The following CHRNA3 variants were observed in gnomAD, a reference collection of about 807,000 sequenced individuals.
The protein encoded by CHRNA3 is neuronal acetylcholine receptor subunit alpha-3.
CHRNA3 carries 34 observed loss-of-function variants against 41.9 expected under a neutral mutation model. The ratio of observed to expected loss-of-function variants is 0.81; its 90% confidence interval spans 0.62 to 1.08. The LOEUF (loss-of-function observed/expected upper bound fraction) is 1.08, where lower values mean the gene tolerates loss of function less well. Ranked by LOEUF, CHRNA3 falls within the 50% of genes least tolerant of loss-of-function variation. The pLI is 0.00. For synonymous variants in CHRNA3, 281 were observed against 265.2 expected, an observed-to-expected ratio of 1.06 and a Z score of -0.58; for missense variants, 542 against 638.3, an observed-to-expected ratio of 0.85 and a Z score of 1.63.
chr15:78,593,175 T>G, downstream of CHRNA3: 2 of 1,613,972 alleles, frequency 1.2e-6, no homozygotes, highest in Non-Finnish European at 1.7e-6. Context: ...TTGTTGGATC[T>G]CTTGGGCTTT....
At chr15:78,611,526 C>G (rs2053379463) in intron 4 of CHRNA3, among the ~76,000 whole-genome samples, 1 of 152,040 alleles carries the variant, frequency 6.6e-6, no homozygotes, top group African/African-American at 2.4e-5. Context: ...AACAACCCTT[C>G]ACGCTAAAAA....
chr15:78,608,900 G>A (rs899433542), intron 4 of CHRNA3, among the ~76,000 whole-genome samples: 1 of 152,232 alleles, frequency 6.6e-6, no homozygotes, highest in Non-Finnish European at 1.5e-5. Flanking sequence ...AGCTGATGGA[G>A]CTGAAAGCCA....
chr15:78,602,012 G>A lies in CHRNA3; in HGVS notation c.630C>T (p.Ile210=). 1 of 1,613,544 alleles carries A rather than the reference G, an allele frequency of 6.2e-7. No homozygotes were observed. Among genetic ancestry groups the A allele is most frequent in the Non-Finnish European group, 8.5e-7 (1 of 1,179,514 alleles). The change falls in exon 5 of 6, where the codon ATC becomes ATT. Residue 210 remains isoleucine, a synonymous_variant. Transcript: ENST00000326828. ...DYWESGEWAI[I]KAPGYKHDIK... ...TGTCGTGTTTGTAGCCTGGGGCTTT[G>A]ATGATGGCCCACTCGCCGCTCTCCC...
At position 78,595,675 on chromosome 15, in the gene CHRNA3, T is replaced by TG. The variant is rs1168410440; in HGVS notation, c.*928dup. ...CCATAGTGCTAAGGCTGAGAAACCCTGTTCTAAAGGTTCATGCTGTGGTCC... is the reference window on the plus strand; with the variant it reads ...CCATAGTGCTAAGGCTGAGAAACCCTGGTTCTAAAGGTTCATGCTGTGGTCC... On this transcript the variant is annotated 3_prime_UTR_variant, in exon 6 of 6. Coordinates refer to ENST00000326828, the MANE Select transcript of CHRNA3 (RefSeq NM_000743.5). 6.6e-6 allele frequency: 1 copy of TG among 152,592 alleles called. No homozygotes were observed. The highest frequency in any genetic ancestry group is 1.5e-5 in the Non-Finnish European group (1 of 68,378). The allele number at this position is 152,592 out of a possible 1,614,324, so 9.5% of individuals were successfully genotyped here. A position where few individuals can be genotyped will look rare whatever the true frequency, so the allele number is the denominator to read the frequency against.
At chr15:78,602,592 G>A (rs2053223219) in intron 4 of CHRNA3, among the ~76,000 whole-genome samples, 1 of 152,194 alleles carries the variant, frequency 6.6e-6, no homozygotes, top group South Asian at 2.1e-4. Flanking sequence ...AGAAATGGGA[G>A]GAAGGTCATC....
Position 78,596,313 on chromosome 15 carries a change from G to A in CHRNA3, c.*291C>T, listed in dbSNP as rs1315475315. The A allele has an allele frequency of 9.7e-7, 1 of 1,026,722 alleles. No homozygotes were observed. The highest frequency in any genetic ancestry group is 1.2e-6 in the Non-Finnish European group (1 of 857,282). The allele number at this position is 1,026,722 out of a possible 1,614,324, so 63.6% of individuals were successfully genotyped here. A position where few individuals can be genotyped will look rare whatever the true frequency, so the allele number is the denominator to read the frequency against. On this transcript the variant is annotated 3_prime_UTR_variant, in exon 6 of 6. Coordinates refer to ENST00000326828, the MANE Select transcript of CHRNA3 (RefSeq NM_000743.5). ...TCCAGTTTTGTTTCAACAACTAAAA[G>A]GAAACATTTTTACATGTATATTCCA...
chr15:78,613,678 A>T (rs2141340630), intron 4 of CHRNA3, among the ~76,000 whole-genome samples: 1 of 151,260 alleles, frequency 6.6e-6, no homozygotes, highest in Non-Finnish European at 1.5e-5. Flanking sequence ...TATGTAACAA[A>T]CCTGCACATT....
rs774546079 is a variant in CHRNA3, at chr15:78,618,893, C to T, written c.105G>A (p.Glu35=). ...CAAACAGCCGCTCAAATAGACGGTG[C>T]TCAGCCTCTGAGGCCCTGGCCACTG... ...LLPVARASEA[E]HRLFERLFED... is the part of the protein sequence containing the mutation. Residue 35 remains glutamate (E), a synonymous_variant, in exon 2 of 6, where the codon GAG becomes GAA. Coordinates refer to ENST00000326828, the MANE Select transcript of CHRNA3 (RefSeq NM_000743.5). 1 of 1,613,710 alleles carries T rather than the reference C, an allele frequency of 6.2e-7. No individual in the cohort carries two copies. Among genetic ancestry groups the T allele is most frequent in the Non-Finnish European group, 8.5e-7 (1 of 1,179,996 alleles).
intron 4 of CHRNA3, among the ~76,000 whole-genome samples, chr15:78,605,530 C>T (rs1396419827): frequency 6.6e-6 from 1 of 152,142 alleles, no homozygotes; most frequent in Non-Finnish European, 1.5e-5. Context: ...CCACTCTGCA[C>T]TGAATCCTCA....
intron 5 of CHRNA3, 148 bp from the exon 6 acceptor site, chr15:78,596,880 T>A (rs2053122084): frequency 8.6e-7 from 1 of 1,167,924 alleles, no homozygotes; most frequent in Admixed American, 3.6e-5. Context: ...ATTGATGTGG[T>A]CTGAGGAAAT....
downstream of CHRNA3, chr15:78,595,204 T>TCCCTG: frequency 1.3e-6 from 1 of 795,694 alleles, no homozygotes; most frequent in East Asian, 1.3e-4. Context: ...TTCGTATACA[T>TCCCTG]CCCTGATCCC....
chr15:78,620,725 A>ACAG lies in CHRNA3; in HGVS notation c.67_69dup (p.Leu23dup), dbSNP rs60706203. 4,046 of 1,462,788 alleles carry ACAG rather than the reference A, an allele frequency of 2.8e-3. 9 individuals are homozygous for ACAG. The highest frequency in any genetic ancestry group is 0.02 in the East Asian group (692 of 34,168). 90.6% of individuals were successfully genotyped at this position (1,462,788 alleles called of 1,614,324 possible). ...CCTGTGCGCGTACCTGGCAGCAGAG[A>ACAG]CAGCAGCAGCAGCAGCAGCAGCCGC... On this transcript the variant is annotated inframe_insertion, in exon 1 of 6. Coordinates refer to ENST00000326828, the MANE Select transcript of CHRNA3 (RefSeq NM_000743.5).
At chr15:78,618,748 G>A (rs1445786620) in intron 2 of CHRNA3, 28 bp downstream of exon 2, 7 of 1,613,960 alleles carry the variant, frequency 4.3e-6, no homozygotes, top group Middle Eastern at 1.6e-4. Flanking sequence ...GGTCCCCATG[G>A]CCACGGCTCG....
chr15:78,602,444 C>T (rs2053221003), intron 4 of CHRNA3, among the ~76,000 whole-genome samples, 180 bp from the exon 5 acceptor site: 1 of 152,162 alleles, frequency 6.6e-6, no homozygotes, highest in Non-Finnish European at 1.5e-5. Context: ...ATACTGAGGC[C>T]CAAGCTCCCT....
At chr15:78,610,910 A>C (rs1347942559) in intron 4 of CHRNA3, among the ~76,000 whole-genome samples, 1 of 152,254 alleles carries the variant, frequency 6.6e-6, no homozygotes, top group Admixed American at 6.5e-5. Flanking sequence ...TCCCACAGAA[A>C]TACAAATTAC....
chr15:78,620,889 C>A lies in CHRNA3; in HGVS notation c.-95G>T. 2 of 1,274,998 alleles carry A rather than the reference C, an allele frequency of 1.6e-6. No homozygotes were observed. Among genetic ancestry groups the A allele is most frequent in the Non-Finnish European group, 2.0e-6 (2 of 1,014,804 alleles). The allele number at this position is 1,274,998 out of a possible 1,614,324, so 79.0% of individuals were successfully genotyped here. ...TCCCCGCGCGGCTCCAGCGCAGACCCCAGACCTGGAGCCGTGCGGGCGGAG... is the reference window on the plus strand; with the variant it reads ...TCCCCGCGCGGCTCCAGCGCAGACCACAGACCTGGAGCCGTGCGGGCGGAG... On this transcript the variant is annotated 5_prime_UTR_variant, in exon 1 of 6. Transcript: ENST00000326828.
intron 1 of CHRNA3, 37 bp from the exon 2 acceptor site, chr15:78,618,952 G>A (rs764461118): frequency 1.0e-5 from 16 of 1,607,332 alleles, no homozygotes; most frequent in South Asian, 4.4e-5. Flanking sequence ...TGGGGAAATC[G>A]TTACTTAACC....
intron 4 of CHRNA3, among the ~76,000 whole-genome samples, chr15:78,608,893 T>C (rs2053339781): frequency 6.6e-6 from 1 of 152,048 alleles, no homozygotes; most frequent in Non-Finnish European, 1.5e-5. Flanking sequence ...TTAAAGGAGC[T>C]GATGGAGCTG....
chr15:78,602,240 G>C lies in CHRNA3; in HGVS notation c.402C>G (p.Asp134Glu), dbSNP rs747512200. 5 of 1,613,614 alleles carry C rather than the reference G, an allele frequency of 3.1e-6. No homozygotes were observed. Among genetic ancestry groups the C allele is most frequent in the Non-Finnish European group, 4.2e-6 (5 of 1,179,774 alleles). Residue 134 changes from aspartate (D) to glutamate (E), a missense_variant, in exon 5 of 6, where the codon GAC (aspartate) becomes GAG (glutamate). Transcript: ENST00000326828. ...YNNAVGDFQV[D>E]DKTKALLKYT... ...ACTTGAGTAAGGCTTTGGTCTTGTCGTCCACCTGGAAATCCCCAACAGCAC... is the reference window on the plus strand; with the variant it reads ...ACTTGAGTAAGGCTTTGGTCTTGTCCTCCACCTGGAAATCCCCAACAGCAC...
Sources: gnomAD v4.1 joint callset for allele counts (sites outside exome capture counted in the v4.1 genomes callset) on GRCh38, gnomAD v4.1.1 for gene constraint, MANE v1.5 for transcripts, NCBI Gene and HGNC (gene_info 2026-07-23, HGNC 2026-07-21) for gene names.